The following PJA2 variants were observed in gnomAD, a reference collection of about 807,000 sequenced individuals.
The protein encoded by PJA2 is praja ring finger ubiquitin ligase 2.
Under a neutral mutation model 69.3 loss-of-function variants are expected in PJA2, and 25 were observed. That is an observed-to-expected ratio of 0.36 (90% confidence interval 0.26 to 0.50). The LOEUF (loss-of-function observed/expected upper bound fraction) is 0.50, where lower values mean the gene tolerates loss of function less well. PJA2 is among the 20% of genes least tolerant of loss of function. The pLI, the probability that PJA2 is intolerant of heterozygous loss-of-function variation, is 0.96. For missense variants in PJA2, 809 were observed against 830.2 expected (o/e 0.97, Z 0.31); for synonymous variants, 308 against 277.8 (o/e 1.11, Z -1.08).
At chr5:109,409,561 A>G (rs554467265) in intron 1 of PJA2, among the ~76,000 whole-genome samples, 2 of 152,164 alleles carry the variant, frequency 1.3e-5, no homozygotes, top group Admixed American at 1.3e-4. Context: ...AGACCCCGAT[A>G]CCAACCAATG....
chr5:109,386,203 A>G (rs562781132), intron 1 of PJA2, among the ~76,000 whole-genome samples: 2 of 152,306 alleles, frequency 1.3e-5, no homozygotes, highest in East Asian at 3.9e-4. Flanking sequence ...TATAGCAGAA[A>G]AAACAACAGA....
At chr5:109,370,729 C>T (rs1762662450) in intron 4 of PJA2, among the ~76,000 whole-genome samples, 1 of 152,060 alleles carries the variant, frequency 6.6e-6, no homozygotes, top group Admixed American at 6.6e-5. Context: ...TGAGTAAGAA[C>T]CTTCTAAAAT....
chr5:109,344,647 A>T (rs565862455), intron 8 of PJA2, 58 bp downstream of exon 8: 2 of 1,127,454 alleles, frequency 1.8e-6, no homozygotes, highest in Non-Finnish European at 2.6e-6. Flanking sequence ...AGGTATATTG[A>T]TAATATACTT....
At chr5:109,373,210 A>G (rs1186644780) in intron 4 of PJA2, among the ~76,000 whole-genome samples, 2 of 152,166 alleles carry the variant, frequency 1.3e-5, no homozygotes, top group Admixed American at 6.5e-5. Flanking sequence ...TCAGCAGTAG[A>G]AAAGAAAACA....
intron 9 of PJA2, among the ~76,000 whole-genome samples, chr5:109,341,273 G>C (rs1762050359): frequency 6.8e-6 from 1 of 148,106 alleles, no homozygotes; most frequent in African/African-American, 2.5e-5. Context: ...TGAGATGTGG[G>C]GAGCGCCTCT....
At chr5:109,337,415 C>T in intron 9 of PJA2, 59 bp from the exon 10 acceptor site, 2 of 1,502,284 alleles carry the variant, frequency 1.3e-6, no homozygotes, top group Middle Eastern at 1.8e-4. Flanking sequence ...ACACAAGTAA[C>T]TTAATAAAGA....
intron 7 of PJA2, among the ~76,000 whole-genome samples, chr5:109,352,432 A>C (rs959654848): frequency 6.6e-6 from 1 of 152,228 alleles, no homozygotes; most frequent in Admixed American, 6.5e-5. Context: ...AGAGTTATTT[A>C]GCACAACGAA....
Position 109,404,569 on chromosome 5 carries a change from G to A in PJA2, c.-88+5273C>T, listed in dbSNP as rs149873161. Among the ~76,000 whole-genome samples the A allele has an allele frequency of 2.1e-3, 325 of 152,196 alleles. 2 individuals carry two copies. The highest frequency in any genetic ancestry group is 7.3e-3 in the African/African-American group (303 of 41,536). Reference sequence around the variant, plus strand: ...TTTATTTTTCACAGTTCTGGAGGCTGGGAAGTCCAAAATCAAGGTGCTGGT... The same window carrying A: ...TTTATTTTTCACAGTTCTGGAGGCTAGGAAGTCCAAAATCAAGGTGCTGGT... On this transcript the variant is annotated intron_variant, in intron 1 of 9. Transcript: ENST00000361189.
chr5:109,367,635 G>T (rs1008001154), intron 5 of PJA2, among the ~76,000 whole-genome samples: 1 of 152,026 alleles, frequency 6.6e-6, no homozygotes, highest in Non-Finnish European at 1.5e-5. Flanking sequence ...AACTGATATT[G>T]AAACAAAAAA....
Position 109,355,903 on chromosome 5 carries a change from T to A in PJA2, c.1764+12A>T. On this transcript the variant is annotated intron_variant, in intron 7 of 9. Transcript: ENST00000361189. ...ATCAACTTATATATGGAGATCAGAG[T>A]TATGAACATACCTCCATAGCCTGGG... 1.3e-6 allele frequency: 2 copies of A among 1,572,754 alleles called. No individual in the cohort carries two copies. The highest frequency in any genetic ancestry group is 2.7e-5 in the African/African-American group (2 of 73,666).
intron 5 of PJA2, among the ~76,000 whole-genome samples, chr5:109,365,404 T>A (rs1245444622): frequency 6.6e-6 from 1 of 152,162 alleles, no homozygotes; most frequent in Non-Finnish European, 1.5e-5. Flanking sequence ...AACCAAGGTG[T>A]ACACATATGT....
At chr5:109,356,596 T>C (rs1479824222) in intron 6 of PJA2, among the ~76,000 whole-genome samples, 2 of 152,146 alleles carry the variant, frequency 1.3e-5, no homozygotes, top group Non-Finnish European at 2.9e-5. Context: ...TTCCCACATA[T>C]TTCTCCTGTT....
chr5:109,359,330 T>C (rs1479258676), intron 6 of PJA2, among the ~76,000 whole-genome samples: 3 of 152,126 alleles, frequency 2.0e-5, no homozygotes, highest in African/African-American at 7.2e-5. Context: ...TTCTGAAGAG[T>C]CAAAAGTTAC....
Position 109,365,830 on chromosome 5 carries a change from G to C in PJA2, c.1469+2731C>G, listed in dbSNP as rs528408733. 5.8e-4 allele frequency among the ~76,000 whole-genome samples: 88 copies of C among 152,256 alleles called. 1 individual carries two copies. Among genetic ancestry groups the C allele is most frequent in the Admixed American group, 2.1e-3 (32 of 15,288 alleles). ...TGACCAATTATTAAGGAGTCACACA[G>C]TTGTTTGTATATTTAGCCTAAAGAT... is the stretch of plus-strand genomic sequence containing the variant. On this transcript the variant is annotated intron_variant, in intron 5 of 9. Transcript: ENST00000361189.
At chr5:109,337,929 T>C (rs926163139) in intron 9 of PJA2, among the ~76,000 whole-genome samples, 1 of 152,134 alleles carries the variant, frequency 6.6e-6, no homozygotes, top group Non-Finnish European at 1.5e-5. Context: ...TTCTAAGCCA[T>C]GACATTTCTT....
At chr5:109,381,801 T>C (rs1747055205) in intron 2 of PJA2, 98 bp from the exon 3 acceptor site, 1 of 932,130 alleles carries the variant, frequency 1.1e-6, no homozygotes, top group East Asian at 2.6e-5. Context: ...TTATTATTTA[T>C]CAAATCATAT....
At chr5:109,407,310 A>C (rs1183614475) in intron 1 of PJA2, among the ~76,000 whole-genome samples, 1 of 151,478 alleles carries the variant, frequency 6.6e-6, no homozygotes, top group Non-Finnish European at 1.5e-5. Flanking sequence ...AGATGTCAAA[A>C]AAATATATAT....
chr5:109,384,325 G>C (rs749374002), intron 1 of PJA2, among the ~76,000 whole-genome samples: 18 of 152,106 alleles, frequency 1.2e-4, no homozygotes, highest in Non-Finnish European at 2.2e-4. Context: ...TTTATTCTTT[G>C]CAATAGTCAG....
At position 109,378,911 on chromosome 5, in the gene PJA2, T is replaced by C. The variant is rs774738189; in HGVS notation, c.576A>G (p.Arg192=). 1 of 1,614,214 alleles carries C rather than the reference T, an allele frequency of 6.2e-7. No individual in the cohort carries two copies. The highest frequency in any genetic ancestry group is 1.3e-5 in the African/African-American group (1 of 75,066). The change falls in exon 4 of 10, where the codon AGA becomes AGG. Residue 192 remains arginine (R), a synonymous_variant. Coordinates refer to ENST00000361189, the MANE Select transcript of PJA2 (RefSeq NM_014819.5). ...QLSAEVVEGS[R]YQESLGNTVF... is the part of the protein sequence containing the mutation. ...CTGTATTGCCTAATGATTCCTGGTA[T>C]CTACTACCTTCCACGACTTCTGCAG...
Sources: gnomAD v4.1 joint callset for allele counts (sites outside exome capture counted in the v4.1 genomes callset) on GRCh38, gnomAD v4.1.1 for gene constraint, MANE v1.5 for transcripts, NCBI Gene and HGNC (gene_info 2026-07-23, HGNC 2026-07-21) for gene names.